PRSS23: variants seen among roughly 807,000 people sequenced by gnomAD.
The protein encoded by PRSS23 is protease, serine 23.
Under a neutral mutation model 34.7 loss-of-function variants are expected in PRSS23, and 25 were observed. The observed-to-expected ratio is 0.72, with a 90% confidence interval of 0.53 to 1.01. PRSS23 has a LOEUF of 1.01. PRSS23 is among the 50% of genes least tolerant of loss of function. The pLI is 0.00. For synonymous variants in PRSS23, 176 were observed against 186.6 expected, an observed-to-expected ratio of 0.94 and a Z score of 0.46; for missense variants, 445 against 475.6, an observed-to-expected ratio of 0.94 and a Z score of 0.60.
At chr11:86,935,587 A>G (rs1261466407) in intron 2 of PRSS23, 2 of 152,106 alleles carry the variant, frequency 1.3e-5, no homozygotes, top group Non-Finnish European at 2.9e-5. Flanking sequence ...ATTATCATCC[A>G]TTACCAATTA....
At chr11:86,831,197 C>T (rs926920164) in intron 2 of PRSS23, among the ~76,000 whole-genome samples, 4 of 150,704 alleles carry the variant, frequency 2.7e-5, no homozygotes, top group Non-Finnish European at 4.4e-5. Context: ...GTACACCCTG[C>T]GATATTATTC....
rs767361245 is a variant in PRSS23 at position 86,808,719 on chromosome 11, T to G, written c.1076T>G (p.Val359Gly). The change falls in exon 2 of 2, where the codon GTC becomes GGC. Residue 359 changes from valine to glycine, a missense_variant. By Grantham distance (109) the Val-to-Gly change is moderately radical. Transcript: ENST00000280258. ...NGSPQDFNVAVRITPLKYAQI... is the reference protein window; with the variant it reads ...NGSPQDFNVAGRITPLKYAQI... The stretch of plus-strand genomic sequence containing the variant: ...TCCCCACAGGATTTCAACGTGGCTG[T>G]CAGAATCACTCCTCTCAAATATGCC... 4 of 1,614,154 alleles carry G rather than the reference T, an allele frequency of 2.5e-6. No homozygotes were observed. The South Asian group carries it at 4.4e-5, about 18-fold the overall frequency.
chr11:86,939,671 C>G (rs1402005404), intron 2 of PRSS23, among the ~76,000 whole-genome samples: 1 of 151,000 alleles, frequency 6.6e-6, no homozygotes, highest in Non-Finnish European at 1.5e-5. Flanking sequence ...GTTTTTCCTT[C>G]CTGAGAATAA....
downstream of PRSS23, among the ~76,000 whole-genome samples, chr11:86,812,944 A>AT (rs576382236): frequency 4.1e-4 from 63 of 152,176 alleles, 2 homozygotes; most frequent in South Asian, 0.013. Flanking sequence ...ATCCCAATGC[A>AT]TTGTGGTTTA....
At chr11:86,852,256 C>G (rs1261801990) in intron 2 of PRSS23, among the ~76,000 whole-genome samples, 1 of 152,178 alleles carries the variant, frequency 6.6e-6, no homozygotes, top group Non-Finnish European at 1.5e-5. Context: ...GTGGAGCCCA[C>G]AGGACTGGAA....
chr11:86,909,228 T>A (rs976815093), intron 2 of PRSS23: 11 of 152,276 alleles, frequency 7.2e-5, no homozygotes, highest in African/African-American at 2.6e-4. Context: ...ACTGTCACCT[T>A]CCTTAGGCTA....
At position 86,900,000 on chromosome 11, in the gene PRSS23, T is replaced by C. The variant is rs903557229; in HGVS notation, c.207-51216T>C. ...GCAAATCTGATAACCAAAGAACGCA[T>C]GGTCTATGATGGAGGGAAGTAGGAA... On this transcript the variant is annotated intron_variant, in intron 2 of 2. Transcript: ENST00000533902. Among the ~76,000 whole-genome samples, 8 of 151,918 alleles carry C rather than the reference T, an allele frequency of 5.3e-5. No individual in the cohort carries two copies. In the South Asian group the frequency reaches 1.2e-3, roughly 24 times the overall value.
intron 2 of PRSS23, among the ~76,000 whole-genome samples, chr11:86,872,823 AC>A (rs1338249558): frequency 6.6e-6 from 1 of 152,186 alleles, no homozygotes; most frequent in African/African-American, 2.4e-5. Flanking sequence ...TTACTAAATG[AC>A]CTTGAGTAAG....
intron 2 of PRSS23, among the ~76,000 whole-genome samples, chr11:86,904,694 T>C (rs1456154151): frequency 6.6e-6 from 1 of 152,190 alleles, no homozygotes. Flanking sequence ...TCTGCCATTG[T>C]AGCACAAAAG....
intron 2 of PRSS23, among the ~76,000 whole-genome samples, chr11:86,923,197 C>T (rs1469531704): frequency 6.8e-6 from 1 of 147,532 alleles, no homozygotes; most frequent in Non-Finnish European, 1.5e-5. Flanking sequence ...GATCATTGCT[C>T]ACTGCAACCT....
chr11:86,904,884 C>CA (rs1276296909), intron 2 of PRSS23, among the ~76,000 whole-genome samples: 282 of 128,538 alleles, frequency 2.2e-3, no homozygotes, highest in Middle Eastern at 3.9e-3. Flanking sequence ...CCATTTCCAC[C>CA]AAAAAAAAAA....
intron 2 of PRSS23, among the ~76,000 whole-genome samples, chr11:86,883,216 A>G (rs746726722): frequency 2.8e-4 from 42 of 152,376 alleles, no homozygotes; most frequent in Non-Finnish European, 5.4e-4. Flanking sequence ...AAAAAGCTGG[A>G]GGCATCATGC....
chr11:86,892,789 C>T (rs1377218442), intron 2 of PRSS23, among the ~76,000 whole-genome samples: 2 of 151,996 alleles, frequency 1.3e-5, no homozygotes, highest in Non-Finnish European at 2.9e-5. Context: ...TTCCTGGAAT[C>T]AGAGTGAAAA....
intron 2 of PRSS23, among the ~76,000 whole-genome samples, chr11:86,900,589 C>G (rs1259417234): frequency 6.6e-6 from 1 of 152,058 alleles, no homozygotes; most frequent in East Asian, 1.9e-4. Context: ...CCTCACCACG[C>G]TCATTTTGTG....
chr11:86,847,979 C>T (rs1243165474), intron 2 of PRSS23, among the ~76,000 whole-genome samples: 3 of 152,200 alleles, frequency 2.0e-5, no homozygotes, highest in Non-Finnish European at 2.9e-5. Context: ...CACTGACTCT[C>T]CTCCATCTGG....
exon 3 of PRSS23, chr11:86,951,955 A>T: frequency 6.2e-7 from 1 of 1,613,750 alleles, no homozygotes; most frequent in Non-Finnish European, 8.5e-7. Context: ...CAATATAAGC[A>T]ATGCTATAAA....
chr11:86,831,122 G>T (rs1481091250), intron 2 of PRSS23, among the ~76,000 whole-genome samples: 1 of 151,982 alleles, frequency 6.6e-6, no homozygotes. Flanking sequence ...GTCACAGAAG[G>T]TGTACACTCC....
intron 2 of PRSS23, among the ~76,000 whole-genome samples, chr11:86,922,596 C>G (rs989988177): frequency 6.6e-6 from 1 of 152,194 alleles, no homozygotes; most frequent in Non-Finnish European, 1.5e-5. Flanking sequence ...ACAGTAGTAG[C>G]TCAGTAAAAA....
At chr11:86,796,534 G>C (rs1000501894), upstream of PRSS23, among the ~76,000 whole-genome samples, 6 of 150,144 alleles carry the variant, frequency 4.0e-5, no homozygotes, top group South Asian at 4.3e-4. Context: ...CCAGCTACTC[G>C]GGAGGCTGAG....
Sources: allele counts gnomAD v4.1 joint callset (sites outside exome capture counted in the v4.1 genomes callset), GRCh38; gene constraint gnomAD v4.1.1; transcripts MANE v1.5; gene names NCBI Gene and HGNC (gene_info 2026-07-23, HGNC 2026-07-21).